The following DOCK2 variants were observed in gnomAD, a reference collection of about 807,000 sequenced individuals.
DOCK2 encodes dedicator of cytokinesis protein 2.
In DOCK2, 87 loss-of-function variants were observed where a neutral mutation model predicts 248.9. The observed-to-expected ratio is 0.35, with a 90% CI of 0.29 to 0.42. The LOEUF (loss-of-function observed/expected upper bound fraction) is 0.42. Among genes scored for constraint, DOCK2 ranks in the 10% least tolerant of loss-of-function variants. DOCK2 has a pLI of 1.00. For synonymous variants in DOCK2, 805 were observed against 821.6 expected (o/e 0.98, Z 0.35); for missense variants, 1,747 against 2,300.2 (o/e 0.76, Z 4.92).
rs991334670 is a variant in DOCK2, at chr5:170,082,935, G to A, written c.*77G>A. The A allele has an allele frequency of 2.3e-4, 363 of 1,584,510 alleles. No individual in the cohort carries two copies. Among genetic ancestry groups the A allele is most frequent in the Non-Finnish European group, 2.9e-4 (331 of 1,156,018 alleles). On this transcript the variant is annotated 3_prime_UTR_variant, in exon 52 of 52. Coordinates refer to ENST00000520908, the MANE Select transcript of DOCK2 (RefSeq NM_004946.3). ...AGAGGAAAGCCATGCGTGGAACATC[G>A]AAGCCTCAGAGAGTGGGAGACTGTC... is the stretch of plus-strand genomic sequence containing the variant.
intron 26 of DOCK2, among the ~76,000 whole-genome samples, chr5:169,822,101 G>A (rs1036087774): frequency 3.3e-5 from 5 of 152,142 alleles, no homozygotes; most frequent in Admixed American, 6.5e-5. Flanking sequence ...CAATACAGGA[G>A]CACCCAGATC....
chr5:169,666,707 G>A (rs1437704935), intron 2 of DOCK2, among the ~76,000 whole-genome samples: 3 of 152,204 alleles, frequency 2.0e-5, no homozygotes, highest in Non-Finnish European at 4.4e-5. Context: ...TCCGGATGCA[G>A]TTGATGCACT....
chr5:169,790,420 T>A (rs188933674), intron 25 of DOCK2, among the ~76,000 whole-genome samples: 1 of 152,316 alleles, frequency 6.6e-6, no homozygotes, highest in African/African-American at 2.4e-5. Context: ...GCCTGAGCCC[T>A]CCATTAGTCT....
intron 23 of DOCK2, among the ~76,000 whole-genome samples, chr5:169,755,586 T>C (rs1764154539): frequency 6.6e-6 from 1 of 151,796 alleles, no homozygotes; most frequent in African/African-American, 2.4e-5. Context: ...CTACTATAAA[T>C]ATAAAAAACT....
chr5:169,939,528 T>C lies in DOCK2; in HGVS notation c.2800-43540T>C, dbSNP rs1014087279. 3.9e-5 allele frequency among the ~76,000 whole-genome samples: 6 copies of C among 152,202 alleles called. No individual in the cohort carries two copies. In the East Asian group the frequency reaches 7.7e-4, roughly 20 times the overall value. Reference sequence around the variant, plus strand: ...AACCAGTAACAGTCGTTTATTATTATTGTCAATTATGTGCTGTATGTAATT... The same window carrying C: ...AACCAGTAACAGTCGTTTATTATTACTGTCAATTATGTGCTGTATGTAATT... On this transcript the variant is annotated intron_variant, in intron 27 of 51. Transcript: ENST00000520908.
intron 27 of DOCK2, among the ~76,000 whole-genome samples, chr5:169,959,776 A>G (rs985662163): frequency 2.0e-5 from 3 of 152,134 alleles, no homozygotes; most frequent in African/African-American, 7.2e-5. Context: ...TCGTAGATCT[A>G]GAGAGATCTA....
At chr5:169,642,768 A>G (rs1481051002) in intron 1 of DOCK2, among the ~76,000 whole-genome samples, 1 of 152,214 alleles carries the variant, frequency 6.6e-6, no homozygotes, top group East Asian at 1.9e-4. Flanking sequence ...TGGGCACCTC[A>G]TTAGGCAGTG....
chr5:169,792,177 T>C (rs1414850963), intron 25 of DOCK2, among the ~76,000 whole-genome samples: 2 of 152,130 alleles, frequency 1.3e-5, no homozygotes, highest in Non-Finnish European at 2.9e-5. Context: ...ACCAATCTGA[T>C]AGGTGTCCTG....
intron 27 of DOCK2, among the ~76,000 whole-genome samples, chr5:169,850,417 TA>T: frequency 6.6e-6 from 1 of 152,214 alleles, no homozygotes; most frequent in Non-Finnish European, 1.5e-5. Flanking sequence ...AAAATTAATT[TA>T]ATTGAGAAAA....
chr5:169,663,806 T>C lies in DOCK2; in HGVS notation c.128-5482T>C, dbSNP rs540889218. On this transcript the variant is annotated intron_variant, in intron 2 of 51. Transcript: ENST00000520908. ...TATTTCCTTCCTAGGCCTCTGGGCCTGTGATTGGAGGGGCTGATGTGAAGA... is the reference window on the plus strand; with the variant it reads ...TATTTCCTTCCTAGGCCTCTGGGCCCGTGATTGGAGGGGCTGATGTGAAGA... Among the ~76,000 whole-genome samples the C allele has an allele frequency of 2.2e-4, 34 of 152,346 alleles. No individual in the cohort carries two copies. In the Middle Eastern group the frequency reaches 0.017, roughly 76 times the overall value.
intron 26 of DOCK2, among the ~76,000 whole-genome samples, chr5:169,821,072 A>C (rs563245534): frequency 1.3e-5 from 2 of 152,226 alleles, no homozygotes; most frequent in African/African-American, 4.8e-5. Context: ...TTAGAGAAAA[A>C]AGAATAAAAA....
At chr5:169,995,778 G>T (rs1754599555) in intron 29 of DOCK2, among the ~76,000 whole-genome samples, 1 of 152,152 alleles carries the variant, frequency 6.6e-6, no homozygotes, top group African/African-American at 2.4e-5. Context: ...GGGGATGGGG[G>T]GGGTGATTTC....
At chr5:169,796,881 G>T (rs1220167522) in intron 25 of DOCK2, among the ~76,000 whole-genome samples, 1 of 152,204 alleles carries the variant, frequency 6.6e-6, no homozygotes, top group Non-Finnish European at 1.5e-5. Context: ...GTGGAAAGTG[G>T]TGAGCGCCCA....
chr5:169,945,860 G>T (rs1430296218), intron 27 of DOCK2, among the ~76,000 whole-genome samples: 2 of 152,110 alleles, frequency 1.3e-5, no homozygotes, highest in African/African-American at 2.4e-5. Flanking sequence ...TTCTTGACTC[G>T]TCCTTATTTG....
Position 170,080,258 on chromosome 5 carries a change from C to T in DOCK2, c.5262C>T (p.Ala1754=), listed in dbSNP as rs757478455. The T allele has an allele frequency of 8.7e-6, 14 of 1,614,034 alleles. No homozygotes were observed. The highest frequency in any genetic ancestry group is 1.2e-5 in the Non-Finnish European group (14 of 1,180,024). Residue 1754 remains alanine, a synonymous_variant, in exon 50 of 52, where the codon GCC becomes GCT. Coordinates refer to ENST00000520908, the MANE Select transcript of DOCK2 (RefSeq NM_004946.3). Reference sequence around the variant, plus strand: ...CTGTCCTCTCTCAAATGAGCTTTGCCAGCCAGTCCATGCCTACCATCCCAG... The same window carrying T: ...CTGTCCTCTCTCAAATGAGCTTTGCTAGCCAGTCCATGCCTACCATCCCAG... The part of the protein sequence containing the change: ...KASVLSQMSF[A]SQSMPTIPAL...
At chr5:169,683,647 T>TGTA (rs1178648233) in intron 7 of DOCK2, among the ~76,000 whole-genome samples, 1 of 152,224 alleles carries the variant, frequency 6.6e-6, no homozygotes, top group African/African-American at 2.4e-5. Flanking sequence ...TGTATCTCAT[T>TGTA]GTAGTTTTAA....
intron 46 of DOCK2, 72 bp from the exon 47 acceptor site, chr5:170,075,875 C>G (rs937044906): frequency 4.4e-6 from 7 of 1,590,956 alleles, no homozygotes; most frequent in South Asian, 2.3e-5. Flanking sequence ...CTGCAGCTGC[C>G]TTGATGGGCG....
chr5:169,649,105 A>G (rs1218341334), intron 1 of DOCK2, among the ~76,000 whole-genome samples: 1 of 152,208 alleles, frequency 6.6e-6, no homozygotes, highest in African/African-American at 2.4e-5. Context: ...ACCAAAGTGG[A>G]CCTGCTGCTA....
intron 2 of DOCK2, among the ~76,000 whole-genome samples, chr5:169,663,598 G>A (rs1758566865): frequency 6.6e-6 from 1 of 152,232 alleles, no homozygotes; most frequent in Non-Finnish European, 1.5e-5. Context: ...TGTCTCCTGT[G>A]CACCTGCAGG....
Sources: gnomAD v4.1 joint callset for allele counts (sites outside exome capture counted in the v4.1 genomes callset) on GRCh38, gnomAD v4.1.1 for gene constraint, MANE v1.5 for transcripts, NCBI Gene and HGNC (gene_info 2026-07-23, HGNC 2026-07-21) for gene names.